TMEM69: variants seen among roughly 807,000 people sequenced by gnomAD.
TMEM69 encodes the protein transmembrane protein 69.
A neutral mutation model predicts 15.8 loss-of-function variants in TMEM69; 17 were observed. That is an observed-to-expected ratio of 1.07 (90% CI 0.73 to 1.61). TMEM69 has a LOEUF of 1.61. Ranked by LOEUF, TMEM69 falls within the 40% of genes most tolerant of loss-of-function variation. The probability of loss-of-function intolerance (pLI) is 0.00; values close to 1 mark genes in which losing one functional copy is unlikely to be tolerated. For missense variants in TMEM69, 230 were observed against 286.1 expected (o/e 0.80, Z 1.41); for synonymous variants, 80 against 98.6 (o/e 0.81, Z 1.12).
chr1:45,691,055 C>G lies in TMEM69; in HGVS notation c.-14C>G, dbSNP rs761935527. 10 of 1,614,144 alleles carry G rather than the reference C, an allele frequency of 6.2e-6. No homozygotes were observed. In the South Asian group the frequency reaches 6.6e-5, roughly 11 times the overall value. On this transcript the variant is annotated 5_prime_UTR_variant, in exon 2 of 3. Transcript: ENST00000372025. ...CTGGCATCTTCCTGAACAAGACTTT[C>G]AATAGGGGCCAGTATGCTTCGCTTC...
At chr1:45,691,367 A>T (rs1214847399) in intron 2 of TMEM69, among the ~76,000 whole-genome samples, 1 of 152,092 alleles carries the variant, frequency 6.6e-6, no homozygotes. Context: ...GTCTGGGCAC[A>T]TGGCAAAACC....
chr1:45,689,096 G>T (rs530269363), intron 1 of TMEM69, among the ~76,000 whole-genome samples: 2 of 151,750 alleles, frequency 1.3e-5, no homozygotes, highest in African/African-American at 2.4e-5. Flanking sequence ...GTAGAGACGG[G>T]GGGGAGGTTC....
At chr1:45,689,099 G>T (rs1645325643) in intron 1 of TMEM69, among the ~76,000 whole-genome samples, 1 of 151,602 alleles carries the variant, frequency 6.6e-6, no homozygotes, top group Non-Finnish European at 1.5e-5. Flanking sequence ...GAGACGGGGG[G>T]GAGGTTCACT....
At position 45,693,878 on chromosome 1, in the gene TMEM69, AG is replaced by A; in HGVS notation, c.719del (p.Gly240AspfsTer30). ...TAGTTAAAAGTAGTTTTCCAGAAAA[AG>A]GACATAAGAGACCTGGTCAAGTATA... ...LVVKSSFPEKGHKRPGQV is the reference protein window; with the variant it reads ...LVVKSSFPEKXHKRPGQV On this transcript the variant is annotated frameshift_variant, in exon 3 of 3. Coordinates refer to ENST00000372025, the MANE Select transcript of TMEM69 (RefSeq NM_016486.4). LOFTEE classifies it high-confidence loss of function. 1 of 1,606,434 alleles carries A rather than the reference AG, an allele frequency of 6.2e-7. No homozygotes were observed. The highest frequency in any genetic ancestry group is 8.5e-7 in the Non-Finnish European group (1 of 1,177,178).
intron 2 of TMEM69, among the ~76,000 whole-genome samples, chr1:45,692,141 G>A (rs758631767): frequency 2.6e-5 from 4 of 151,986 alleles, no homozygotes; most frequent in South Asian, 2.1e-4. Flanking sequence ...AGCAAAACTC[G>A]GTCTCAAAAA....
intron 2 of TMEM69, among the ~76,000 whole-genome samples, chr1:45,692,062 G>A (rs989523933): frequency 5.9e-5 from 9 of 152,064 alleles, no homozygotes; most frequent in African/African-American, 2.2e-4. Context: ...GCAGAGAATC[G>A]CTTGAACCTG....
At position 45,693,883 on chromosome 1, in the gene TMEM69, A is replaced by G; in HGVS notation, c.722A>G (p.His241Arg). Residue 241 changes from histidine to arginine, a missense_variant, in exon 3 of 3, where the codon CAT becomes CGT. His to Arg is a conservative substitution (Grantham distance 29). Transcript: ENST00000372025. The stretch of plus-strand genomic sequence containing the variant: ...AAAAGTAGTTTTCCAGAAAAAGGAC[A>G]TAAGAGACCTGGTCAAGTATAAAAA... Reference protein sequence around the residue: ...VVKSSFPEKGHKRPGQV With the variant: ...VVKSSFPEKGRKRPGQV The G allele has an allele frequency of 1.2e-6, 2 of 1,603,554 alleles. No individual in the cohort carries two copies. Among genetic ancestry groups the G allele is most frequent in the Non-Finnish European group, 1.7e-6 (2 of 1,175,990 alleles).
In TMEM69 at chr1:45,694,069, T is replaced by C. The variant is rs1645365278; in HGVS notation, c.*164T>C. 1 of 495,832 alleles carries C rather than the reference T, an allele frequency of 2.0e-6. No individual in the cohort carries two copies. Among genetic ancestry groups the C allele is most frequent in the African/African-American group, 2.0e-5 (1 of 51,024 alleles). The allele number at this position is 495,832 out of a possible 1,614,324, so 30.7% of individuals were successfully genotyped here. ...CCACGTGTGAAGTGACAGCCTTGTG[T>C]GTGATCTTTTCTGTCTTCCCCAAGT... On this transcript the variant is annotated 3_prime_UTR_variant, in exon 3 of 3. Coordinates refer to ENST00000372025, the MANE Select transcript of TMEM69 (RefSeq NM_016486.4).
At chr1:45,690,424 C>G (rs185515836) in intron 1 of TMEM69, among the ~76,000 whole-genome samples, 1 of 152,098 alleles carries the variant, frequency 6.6e-6, no homozygotes, top group African/African-American at 2.4e-5. Context: ...ATTGCTTGAA[C>G]CCGGTAGGCA....
chr1:45,694,023 G>T lies in TMEM69; in HGVS notation c.*118G>T, dbSNP rs1645364771. The T allele has an allele frequency of 9.3e-6, 6 of 643,500 alleles. No individual in the cohort carries two copies. Among genetic ancestry groups the T allele is most frequent in the Non-Finnish European group, 1.0e-5 (4 of 388,454 alleles). The allele number at this position is 643,500 out of a possible 1,614,324, so 39.9% of individuals were successfully genotyped here. The stretch of plus-strand genomic sequence containing the variant: ...TCTGGGAAGTGTGACAAGCGCCTCT[G>T]CCCGGCCGCTGTGCAACCTTCCACG... On this transcript the variant is annotated 3_prime_UTR_variant, in exon 3 of 3. Coordinates refer to ENST00000372025, the MANE Select transcript of TMEM69 (RefSeq NM_016486.4).
At chr1:45,690,220 C>T (rs1266833117) in intron 1 of TMEM69, among the ~76,000 whole-genome samples, 2 of 151,988 alleles carry the variant, frequency 1.3e-5, no homozygotes, top group Non-Finnish European at 1.5e-5. Context: ...AGTTAATGCT[C>T]ACCGGGCGCG....
chr1:45,692,795 C>T (rs1645353351), intron 2 of TMEM69, among the ~76,000 whole-genome samples: 1 of 152,174 alleles, frequency 6.6e-6, no homozygotes, highest in Admixed American at 6.5e-5. Context: ...TTTATTTTCT[C>T]CATATAAAAA....
chr1:45,691,127 G>C lies in TMEM69; in HGVS notation c.42+17G>C, dbSNP rs370166809. On this transcript the variant is annotated intron_variant, in intron 2 of 2. Coordinates refer to ENST00000372025, the MANE Select transcript of TMEM69 (RefSeq NM_016486.4). ...TCTTCAAAGGTTGGTTTGTTCAGCA[G>C]ATATTTGAGCACTATTTGCCAAATA... 25 of 1,613,536 alleles carry C rather than the reference G, an allele frequency of 1.5e-5. No homozygotes were observed. The highest frequency in any genetic ancestry group is 2.0e-5 in the Non-Finnish European group (24 of 1,179,590).
intron 1 of TMEM69, among the ~76,000 whole-genome samples, chr1:45,689,981 C>T (rs527997730): frequency 2.6e-5 from 4 of 151,810 alleles, no homozygotes; most frequent in East Asian, 3.9e-4. Context: ...GGTGACAGAG[C>T]GAGACCCTGT....
At chr1:45,689,709 A>G (rs940059078) in intron 1 of TMEM69, among the ~76,000 whole-genome samples, 3 of 152,028 alleles carry the variant, frequency 2.0e-5, no homozygotes, top group South Asian at 2.1e-4. Context: ...GTGGTGGCAT[A>G]TGCCTGTAGT....
chr1:45,689,146 G>A (rs1171470641), intron 1 of TMEM69, among the ~76,000 whole-genome samples: 2 of 152,084 alleles, frequency 1.3e-5, no homozygotes, highest in Admixed American at 1.3e-4. Context: ...CTGACCTCGT[G>A]ATCCACCCAC....
chr1:45,690,820 A>G (rs12037803), intron 1 of TMEM69, among the ~76,000 whole-genome samples, 154 bp from the exon 2 acceptor site: 43,606 of 152,144 alleles, frequency 0.29, 6,388 homozygotes, highest in East Asian at 0.37. Flanking sequence ...AACAGTTCAG[A>G]TACTAAAAGG....
In TMEM69 at chr1:45,691,063, G is replaced by A. The variant is rs1645341460; in HGVS notation, c.-6G>A. 1 of 1,614,136 alleles carries A rather than the reference G, an allele frequency of 6.2e-7. No individual in the cohort carries two copies. The highest frequency in any genetic ancestry group is 2.2e-5 in the East Asian group (1 of 44,876). ...TTCCTGAACAAGACTTTCAATAGGG[G>A]CCAGTATGCTTCGCTTCATCCAGAA... On this transcript the variant is annotated 5_prime_UTR_variant, in exon 2 of 3. Transcript: ENST00000372025.
At chr1:45,692,429 G>A (rs536911025) in intron 2 of TMEM69, among the ~76,000 whole-genome samples, 5 of 152,122 alleles carry the variant, frequency 3.3e-5, no homozygotes, top group Non-Finnish European at 7.4e-5. Flanking sequence ...CTAAAACACA[G>A]AATCAGCAGG....
Sources: allele counts gnomAD v4.1 joint callset (sites outside exome capture counted in the v4.1 genomes callset), GRCh38; gene constraint gnomAD v4.1.1; transcripts MANE v1.5; gene names NCBI Gene and HGNC (gene_info 2026-07-23, HGNC 2026-07-21).